TCAIM: variants seen among roughly 807,000 people sequenced by gnomAD.
TCAIM encodes the protein T cell activation inhibitor, mitochondrial, also known as T-cell activation inhibitor, mitochondrial.
Under a neutral mutation model 58.6 loss-of-function variants are expected in TCAIM, and 36 were observed. The ratio of observed to expected loss-of-function variants is 0.61; its 90% confidence interval spans 0.47 to 0.81. TCAIM has a LOEUF of 0.81. Among genes scored for constraint, TCAIM ranks in the 30% least tolerant of loss-of-function variants. TCAIM has a pLI of 0.00. For missense variants in TCAIM, 466 were observed against 579.6 expected, an observed-to-expected ratio of 0.80 and a Z score of 2.01; for synonymous variants, 172 against 193.6, an observed-to-expected ratio of 0.89 and a Z score of 0.93.
At chr3:44,396,345 C>T in intron 6 of TCAIM, 55 bp from the exon 7 acceptor site, 1 of 1,505,840 alleles carries the variant, frequency 6.6e-7, no homozygotes, top group South Asian at 1.2e-5. Context: ...GGTGGGTGCT[C>T]GCTCCGTCTT....
chr3:44,371,103 G>A (rs1701462135), intron 5 of TCAIM, among the ~76,000 whole-genome samples: 1 of 151,536 alleles, frequency 6.6e-6, no homozygotes, highest in Non-Finnish European at 1.5e-5. Context: ...GTAGAGACGG[G>A]GTTTCACCAT....
At chr3:44,349,651 C>A (rs550428022) in intron 1 of TCAIM, among the ~76,000 whole-genome samples, 1 of 152,072 alleles carries the variant, frequency 6.6e-6, no homozygotes, top group African/African-American at 2.4e-5. Context: ...ATCAGGCAGG[C>A]GTCCCCACAG....
In TCAIM at chr3:44,407,740, T is replaced by G; in HGVS notation, c.*58T>G. ...AGAAAGGAACTTAAATTAAAAATATTTAAATCCACAATTTGATATAACAGT... is the reference window on the plus strand; with the variant it reads ...AGAAAGGAACTTAAATTAAAAATATGTAAATCCACAATTTGATATAACAGT... On this transcript the variant is annotated 3_prime_UTR_variant, in exon 11 of 11. Transcript: ENST00000342649. 2 of 1,460,910 alleles carry G rather than the reference T, an allele frequency of 1.4e-6. No individual in the cohort carries two copies. The highest frequency in any genetic ancestry group is 1.8e-6 in the Non-Finnish European group (2 of 1,094,740). The allele number at this position is 1,460,910 out of a possible 1,614,324, so 90.5% of individuals were successfully genotyped here. A position where few individuals can be genotyped will look rare whatever the true frequency, so the allele number is the denominator to read the frequency against.
At chr3:44,388,693 C>T (rs1214491025) in intron 5 of TCAIM, among the ~76,000 whole-genome samples, 1 of 152,128 alleles carries the variant, frequency 6.6e-6, no homozygotes, top group Non-Finnish European at 1.5e-5. Flanking sequence ...GCTTGAATCA[C>T]GTTTTACTCT....
intron 5 of TCAIM, among the ~76,000 whole-genome samples, chr3:44,382,460 G>A (rs369486652): frequency 1.6e-4 from 25 of 152,272 alleles, no homozygotes; most frequent in African/African-American, 6.0e-4. Context: ...TGCATATATG[G>A]TCAACTGATT....
At position 44,408,623 on chromosome 3, in the gene TCAIM, A is replaced by G. The variant is rs1362964872; in HGVS notation, c.*941A>G. ...AGGTGATTCATTTGTTTCATGGGCA[A>G]ACACTATCCAGGAAAAGCCTTGCTT... On this transcript the variant is annotated 3_prime_UTR_variant, in exon 11 of 11. Transcript: ENST00000342649. 2.6e-5 allele frequency: 4 copies of G among 152,180 alleles called. No individual in the cohort carries two copies. Among genetic ancestry groups the G allele is most frequent in the Non-Finnish European group, 5.9e-5 (4 of 68,022 alleles). 9.4% of individuals were successfully genotyped at this position (152,180 alleles called of 1,614,324 possible). A position where few individuals can be genotyped will look rare whatever the true frequency, so the allele number is the denominator to read the frequency against.
At chr3:44,385,059 AGC>A (rs1701717461) in intron 5 of TCAIM, among the ~76,000 whole-genome samples, 2 of 152,230 alleles carry the variant, frequency 1.3e-5, no homozygotes, top group Admixed American at 1.3e-4. Flanking sequence ...TGGAGAGCCC[AGC>A]CAATGTATTA....
At chr3:44,339,659 T>C (rs1234062689) in intron 1 of TCAIM, 1 of 152,184 alleles carries the variant, frequency 6.6e-6, no homozygotes, top group African/African-American at 2.4e-5. Flanking sequence ...ATAAATTTTA[T>C]CCTTCCCGGT....
chr3:44,382,674 G>A (rs149079309), intron 5 of TCAIM, among the ~76,000 whole-genome samples: 41 of 152,212 alleles, frequency 2.7e-4, no homozygotes, highest in Non-Finnish European at 5.6e-4. Flanking sequence ...TCATGACATT[G>A]GATTTGCCAG....
intron 1 of TCAIM, among the ~76,000 whole-genome samples, chr3:44,354,131 T>C (rs1298018821): frequency 1.3e-5 from 2 of 152,248 alleles, no homozygotes; most frequent in South Asian, 4.1e-4. Context: ...TTTTTTCGCA[T>C]GTGGATGTAC....
intron 5 of TCAIM, among the ~76,000 whole-genome samples, chr3:44,385,422 C>T (rs1701722871): frequency 1.3e-5 from 2 of 152,060 alleles, no homozygotes; most frequent in Admixed American, 6.5e-5. Context: ...GACTGCTGAT[C>T]CTGAAAAAGT....
chr3:44,367,502 C>T lies in TCAIM; in HGVS notation c.366C>T (p.Ser122=), dbSNP rs200198275. ...CTTTGCACACCAGAGATCTGCTAAG[C>T]ACAGTGTTATATATTCTCAACTCCT... is the stretch of plus-strand genomic sequence containing the variant. ...KFTLHTRDLL[S]TVLYILNSCS... The change falls in exon 5 of 11, where the codon AGC becomes AGT. Residue 122 remains serine, a synonymous_variant. Transcript: ENST00000342649. 1.6e-4 allele frequency: 265 copies of T among 1,614,106 alleles called. No homozygotes were observed. The highest frequency in any genetic ancestry group is 2.2e-4 in the Non-Finnish European group (262 of 1,179,970).
At chr3:44,370,252 G>A (rs777997758) in intron 5 of TCAIM, among the ~76,000 whole-genome samples, 1 of 152,036 alleles carries the variant, frequency 6.6e-6, no homozygotes, top group Non-Finnish European at 1.5e-5. Flanking sequence ...ACAAGGTCAG[G>A]AGATCAAGAC....
chr3:44,400,708 C>G (rs1338197773), intron 9 of TCAIM, 121 bp downstream of exon 9: 1 of 847,936 alleles, frequency 1.2e-6, no homozygotes, highest in African/African-American at 1.7e-5. Flanking sequence ...AAAAAAATGC[C>G]ACTACTTGTG....
chr3:44,397,064 G>A (rs1438795369), intron 8 of TCAIM, among the ~76,000 whole-genome samples: 1 of 152,090 alleles, frequency 6.6e-6, no homozygotes, highest in Non-Finnish European at 1.5e-5. Context: ...TGGTAATATT[G>A]CATTCTTTTC....
At position 44,394,990 on chromosome 3, in the gene TCAIM, A is replaced by G. The variant is rs543027899; in HGVS notation, c.696-1410A>G. 2.8e-3 allele frequency among the ~76,000 whole-genome samples: 381 copies of G among 134,498 alleles called. 2 individuals are homozygous for G. The highest frequency in any genetic ancestry group is 5.0e-3 in the Non-Finnish European group (322 of 64,614). The allele number at this position is 134,498 out of a possible 152,430, so 88.2% of individuals were successfully genotyped here. On this transcript the variant is annotated intron_variant, in intron 6 of 10. Coordinates refer to ENST00000342649, the MANE Select transcript of TCAIM (RefSeq NM_173826.4). Reference sequence around the variant, plus strand: ...TATCCCACATAAACTCTAGTTTTCAATTTTTAAGAGTATAAAAGGGTCCCT... The same window carrying G: ...TATCCCACATAAACTCTAGTTTTCAGTTTTTAAGAGTATAAAAGGGTCCCT...
chr3:44,400,713 C>T (rs1702009761), intron 9 of TCAIM, 126 bp downstream of exon 9: 2 of 782,472 alleles, frequency 2.6e-6, no homozygotes, highest in South Asian at 1.6e-5. Flanking sequence ...AATGCCACTA[C>T]TTGTGTTAGC....
chr3:44,377,304 C>T (rs566992965), intron 5 of TCAIM, among the ~76,000 whole-genome samples: 15 of 152,078 alleles, frequency 9.9e-5, no homozygotes, highest in Admixed American at 9.8e-4. Context: ...TAATAAAAGG[C>T]TCCACAACAA....
At chr3:44,367,073 C>G (rs1012067372) in intron 4 of TCAIM, among the ~76,000 whole-genome samples, 5 of 152,110 alleles carry the variant, frequency 3.3e-5, no homozygotes, top group Non-Finnish European at 7.4e-5. Context: ...TAGAAACTAT[C>G]TTTGGTGGAC....
Sources: gnomAD v4.1 joint callset for allele counts (sites outside exome capture counted in the v4.1 genomes callset) on GRCh38, gnomAD v4.1.1 for gene constraint, MANE v1.5 for transcripts, NCBI Gene and HGNC (gene_info 2026-07-23, HGNC 2026-07-21) for gene names.